The following HECW1 variants were observed in gnomAD, a reference collection of about 807,000 sequenced individuals.
HECW1 encodes E3 ubiquitin-protein ligase HECW1.
A neutral mutation model predicts 182.3 loss-of-function variants in HECW1; 61 were observed. The ratio of observed to expected loss-of-function variants is 0.33; its 90% confidence interval spans 0.27 to 0.41. HECW1 has a LOEUF of 0.41. HECW1 is among the 10% of genes least tolerant of loss of function. HECW1 has a pLI of 1.00. For missense variants in HECW1, 1,739 were observed against 2,108.9 expected, an observed-to-expected ratio of 0.82 and a Z score of 3.44; for synonymous variants, 859 against 832.6, an observed-to-expected ratio of 1.03 and a Z score of -0.55.
intron 14 of HECW1, among the ~76,000 whole-genome samples, chr7:43,465,071 G>A (rs1262201179): frequency 6.6e-6 from 1 of 152,130 alleles, no homozygotes; most frequent in African/African-American, 2.4e-5. Context: ...CGAAGTGCTA[G>A]GATTACAGGC....
intron 3 of HECW1, among the ~76,000 whole-genome samples, chr7:43,276,410 C>A (rs1457199804): frequency 6.6e-6 from 1 of 151,826 alleles, no homozygotes; most frequent in Non-Finnish European, 1.5e-5. Context: ...AAGTTTCTCA[C>A]ACAGTCGTTT....
chr7:43,391,822 C>T (rs1481803793), intron 6 of HECW1, among the ~76,000 whole-genome samples: 1 of 152,182 alleles, frequency 6.6e-6, no homozygotes, highest in African/African-American at 2.4e-5. Flanking sequence ...CTACCATTTA[C>T]TTGTTTGAAC....
chr7:43,559,765 A>T (rs1479520730), intron 29 of HECW1, among the ~76,000 whole-genome samples: 1 of 152,160 alleles, frequency 6.6e-6, no homozygotes, highest in Non-Finnish European at 1.5e-5. Context: ...GTGCTGTCAG[A>T]ACCACACCTG....
chr7:43,450,323 C>T (rs891927755), intron 11 of HECW1, among the ~76,000 whole-genome samples: 2 of 152,068 alleles, frequency 1.3e-5, no homozygotes, highest in Non-Finnish European at 2.9e-5. Context: ...TGTCTTGGTA[C>T]CATCTAAGAG....
Position 43,396,905 on chromosome 7 carries a change from C to T in HECW1, c.631+16C>T, listed in dbSNP as rs776563545. 5.7e-6 allele frequency: 9 copies of T among 1,592,600 alleles called. No individual in the cohort carries two copies. The East Asian group carries it at 1.3e-4, about 24-fold the overall frequency. On this transcript the variant is annotated intron_variant, in intron 7 of 29. Coordinates refer to ENST00000395891, the MANE Select transcript of HECW1 (RefSeq NM_015052.5). ...TCTCTCTCAGGTATGTTTTGCTCAC[C>T]TGAGACTTTGTGGAGAGACTAAGAA...
intron 21 of HECW1, among the ~76,000 whole-genome samples, chr7:43,505,417 T>C (rs1305001408): frequency 1.3e-5 from 2 of 152,226 alleles, no homozygotes; most frequent in African/African-American, 4.8e-5. Flanking sequence ...TTTTGTTCTT[T>C]TCTGCAGGAA....
intron 26 of HECW1, among the ~76,000 whole-genome samples, chr7:43,547,150 TC>T (rs1302867256): frequency 6.6e-6 from 1 of 152,206 alleles, no homozygotes; most frequent in Non-Finnish European, 1.5e-5. Flanking sequence ...TCCTTCACCT[TC>T]CTTTTGCTTT....
At chr7:43,230,805 A>T (rs925821670) in intron 2 of HECW1, among the ~76,000 whole-genome samples, 1 of 152,234 alleles carries the variant, frequency 6.6e-6, no homozygotes, top group Non-Finnish European at 1.5e-5. Context: ...GAACATTTGG[A>T]GAATCTGAGT....
At chr7:43,386,961 A>G (rs1584728699) in intron 6 of HECW1, among the ~76,000 whole-genome samples, 2 of 152,218 alleles carry the variant, frequency 1.3e-5, no homozygotes, top group African/African-American at 4.8e-5. Context: ...GTCAATCCAG[A>G]TGAGTGTGGC....
intron 2 of HECW1, among the ~76,000 whole-genome samples, chr7:43,130,170 G>C (rs940604436): frequency 8.5e-5 from 13 of 152,136 alleles, no homozygotes; most frequent in African/African-American, 3.1e-4. Flanking sequence ...TATATTAGAT[G>C]CATTTTCTTC....
At chr7:43,196,054 A>G (rs1284741404) in intron 2 of HECW1, among the ~76,000 whole-genome samples, 1 of 152,180 alleles carries the variant, frequency 6.6e-6, no homozygotes. Context: ...TCAGGATTTT[A>G]TAAGCTCATA....
intron 26 of HECW1, among the ~76,000 whole-genome samples, chr7:43,550,002 G>A (rs146520980): frequency 6.6e-6 from 1 of 152,210 alleles, no homozygotes; most frequent in East Asian, 1.9e-4. Context: ...TTAGCAATCT[G>A]CTTAGAGGTC....
chr7:43,319,408 A>AAAAAAAAAAAAAG (rs1249772644), intron 4 of HECW1, among the ~76,000 whole-genome samples: 5 of 136,316 alleles, frequency 3.7e-5, no homozygotes, highest in Admixed American at 7.0e-5. Context: ...AAAAAAAAAA[A>AAAAAAAAAAAAAG]AGAGAGAACA....
chr7:43,403,806 G>A (rs2075509782), intron 7 of HECW1, among the ~76,000 whole-genome samples: 1 of 152,084 alleles, frequency 6.6e-6, no homozygotes, highest in Non-Finnish European at 1.5e-5. Flanking sequence ...TGCCACTGGT[G>A]GGGAGGGGGT....
intron 2 of HECW1, among the ~76,000 whole-genome samples, chr7:43,223,509 C>T (rs574309094): frequency 6.6e-6 from 1 of 152,184 alleles, no homozygotes; most frequent in East Asian, 1.9e-4. Context: ...ATGCCAGCTA[C>T]TCGGGAGGCC....
At chr7:43,126,792 A>T (rs1786293304) in intron 2 of HECW1, among the ~76,000 whole-genome samples, 1 of 152,280 alleles carries the variant, frequency 6.6e-6, no homozygotes, top group Non-Finnish European at 1.5e-5. Flanking sequence ...GATATCTGTT[A>T]TGGTGATCTC....
intron 2 of HECW1, among the ~76,000 whole-genome samples, chr7:43,232,217 C>G (rs900856856): frequency 2.6e-5 from 4 of 152,086 alleles, no homozygotes; most frequent in Admixed American, 6.6e-5. Flanking sequence ...AGAAAGACAT[C>G]CTTAAATGCA....
intron 13 of HECW1, among the ~76,000 whole-genome samples, chr7:43,461,501 G>A (rs974377022): frequency 6.6e-6 from 1 of 152,240 alleles, no homozygotes; most frequent in Admixed American, 6.5e-5. Flanking sequence ...AATCCTCCCA[G>A]TAGCAGCTGC....
intron 3 of HECW1, among the ~76,000 whole-genome samples, chr7:43,267,743 T>A (rs1464198812): frequency 6.6e-6 from 1 of 152,086 alleles, no homozygotes; most frequent in Non-Finnish European, 1.5e-5. Context: ...AAAAGGAATA[T>A]AAAATTATGT....
Sources: gnomAD v4.1 joint callset for allele counts (sites outside exome capture counted in the v4.1 genomes callset) on GRCh38, gnomAD v4.1.1 for gene constraint, MANE v1.5 for transcripts, NCBI Gene and HGNC (gene_info 2026-07-23, HGNC 2026-07-21) for gene names.